Variants in RBBP8 observed in about 807,000 individuals in gnomAD.
The protein encoded by RBBP8 is RB binding protein 8, endonuclease, also known as DNA endonuclease RBBP8.
A neutral mutation model predicts 108.3 loss-of-function variants in RBBP8; 88 were observed. That is an observed-to-expected ratio of 0.81 (90% CI 0.68 to 0.97). RBBP8 has a LOEUF of 0.97. Ranked by LOEUF, RBBP8 falls within the 50% of genes least tolerant of loss-of-function variation. The pLI is 0.00. For missense variants in RBBP8, 1,023 were observed against 1,049.0 expected (o/e 0.98, Z 0.34); for synonymous variants, 332 against 348.2 (o/e 0.95, Z 0.52).
intron 4 of RBBP8, among the ~76,000 whole-genome samples, chr18:22,962,702 C>T (rs1324769914): frequency 7.1e-6 from 1 of 140,212 alleles, no homozygotes; most frequent in African/African-American, 2.8e-5. Flanking sequence ...CTCCTCTCCA[C>T]CCCCCCTACC....
Position 22,993,834 on chromosome 18 carries a change from A to G in RBBP8, c.1926A>G (p.Leu642=), listed in dbSNP as rs746104928. The change falls in exon 12 of 19, where the codon CTA becomes CTG. Residue 642 remains leucine, a synonymous_variant. Transcript: ENST00000327155. ...NPCRTGKIKS[L]QNNQDVSFEN... is the part of the protein sequence containing the mutation. ...GTAGAACTGGTAAAATAAAGTCTCT[A>G]CAAAACAACCAAGGTGTGTACACCA... 5 of 1,613,426 alleles carry G rather than the reference A, an allele frequency of 3.1e-6. No homozygotes were observed. The highest frequency in any genetic ancestry group is 4.5e-5 in the East Asian group (2 of 44,844).
intron 18 of RBBP8, among the ~76,000 whole-genome samples, chr18:23,025,886 A>G (rs1324306491): frequency 1.3e-5 from 2 of 152,240 alleles, no homozygotes; most frequent in Non-Finnish European, 1.5e-5. Context: ...TCAAACAGGT[A>G]TAGTAGAAAC....
intron 2 of RBBP8, among the ~76,000 whole-genome samples, chr18:22,945,574 G>C (rs189359774): frequency 6.6e-6 from 1 of 151,870 alleles, no homozygotes; most frequent in Non-Finnish European, 1.5e-5. Context: ...TTAGAGACGG[G>C]GTTTCTCCAC....
intron 10 of RBBP8, among the ~76,000 whole-genome samples, chr18:22,991,823 T>G (rs541863081): frequency 6.6e-6 from 1 of 152,342 alleles, no homozygotes; most frequent in Admixed American, 6.5e-5. Flanking sequence ...TATAGCATTT[T>G]GCTTTTTAAA....
intron 16 of RBBP8, among the ~76,000 whole-genome samples, chr18:23,010,989 G>T (rs1200315713): frequency 6.6e-6 from 1 of 152,172 alleles, no homozygotes; most frequent in Non-Finnish European, 1.5e-5. Context: ...ATAATCTTAG[G>T]AGTCCATAAA....
chr18:22,949,288 A>G (rs113926002), intron 3 of RBBP8, among the ~76,000 whole-genome samples: 1,993 of 152,350 alleles, frequency 0.013, 50 homozygotes, highest in African/African-American at 0.045. Context: ...AATAGAAAGT[A>G]TGAGTTCCCC....
chr18:22,972,732 ATCT>A (rs770362590), intron 5 of RBBP8, among the ~76,000 whole-genome samples: 2 of 152,182 alleles, frequency 1.3e-5, no homozygotes, highest in Non-Finnish European at 2.9e-5. Flanking sequence ...AACTTTGATG[ATCT>A]TCTCCACTTA....
At chr18:23,007,735 TAGGTTTATTATGCTTC>T (rs2046081536) in intron 16 of RBBP8, among the ~76,000 whole-genome samples, 2 of 151,054 alleles carry the variant, frequency 1.3e-5, no homozygotes, top group South Asian at 4.2e-4. Context: ...TAGTAAGACT[TAGGTTTATTATGCTTC>T]AGAATTATTT....
intron 4 of RBBP8, among the ~76,000 whole-genome samples, chr18:22,951,892 T>C (rs1912078692): frequency 6.6e-6 from 1 of 152,178 alleles, no homozygotes; most frequent in Non-Finnish European, 1.5e-5. Context: ...TCTAGAAGGA[T>C]CCTAAACACA....
intron 12 of RBBP8, among the ~76,000 whole-genome samples, chr18:22,994,366 G>C (rs1321313037): frequency 1.3e-5 from 2 of 148,844 alleles, no homozygotes; most frequent in East Asian, 4.1e-4. Flanking sequence ...TTGTTGGCCC[G>C]GTACGGTGGC....
chr18:23,019,800 T>G lies in RBBP8; in HGVS notation c.2455-2329T>G, dbSNP rs148259206. ...TTTTTGAGTTGGAGTCTCACTCTGT[T>G]GCCCAGGCTGAAGCACAGTGGCGCG... On this transcript the variant is annotated intron_variant, in intron 17 of 18. Coordinates refer to ENST00000327155, the MANE Select transcript of RBBP8 (RefSeq NM_002894.3). Among the ~76,000 whole-genome samples, 23 of 150,954 alleles carry G rather than the reference T, an allele frequency of 1.5e-4. No individual in the cohort carries two copies. In the East Asian group the frequency reaches 3.9e-3, roughly 26 times the overall value.
rs368600707 is a variant in RBBP8, at chr18:23,012,207, C to CAAGA, written c.2358-4621_2358-4620insAAGA. Among the ~76,000 whole-genome samples the CAAGA allele has an allele frequency of 6.9e-4, 56 of 81,176 alleles. 1 individual carries two copies. The highest frequency in any genetic ancestry group is 2.4e-3 in the African/African-American group (51 of 21,396). 53.3% of individuals were successfully genotyped at this position (81,176 alleles called of 152,430 possible). Reference sequence around the variant, plus strand: ...TGGGAGACAAAGTGAGATGCTGTCTCCAAAAAAAAAAAAAAAAAAAAAAAC... The same window carrying CAAGA: ...TGGGAGACAAAGTGAGATGCTGTCTCAAGACAAAAAAAAAAAAAAAAAAAAAAAC... On this transcript the variant is annotated intron_variant, in intron 16 of 18. Coordinates refer to ENST00000327155, the MANE Select transcript of RBBP8 (RefSeq NM_002894.3).
At chr18:22,987,604 C>A (rs1444642252) in intron 8 of RBBP8, among the ~76,000 whole-genome samples, 1 of 152,142 alleles carries the variant, frequency 6.6e-6, no homozygotes, top group Non-Finnish European at 1.5e-5. Context: ...CAGGCACACA[C>A]CACCATGTCT....
At chr18:22,937,503 T>A (rs1296740482) in intron 2 of RBBP8, among the ~76,000 whole-genome samples, 4 of 152,080 alleles carry the variant, frequency 2.6e-5, no homozygotes, top group Admixed American at 1.3e-4. Context: ...TTTTTTTATT[T>A]TTTTTGAGAC....
At chr18:23,016,476 G>A (rs530178206) in intron 16 of RBBP8, among the ~76,000 whole-genome samples, 2 of 152,092 alleles carry the variant, frequency 1.3e-5, no homozygotes, top group African/African-American at 4.8e-5. Flanking sequence ...CCTGGGAGGT[G>A]GAGGTTGCAG....
intron 4 of RBBP8, among the ~76,000 whole-genome samples, chr18:22,958,166 A>G (rs943869511): frequency 6.6e-6 from 1 of 152,148 alleles, no homozygotes; most frequent in Non-Finnish European, 1.5e-5. Context: ...CTTCTTTTCT[A>G]TTACCAGATT....
chr18:22,924,854 CA>C (rs1909730418), intron 3 of RBBP8, among the ~76,000 whole-genome samples: 1 of 151,966 alleles, frequency 6.6e-6, no homozygotes. Context: ...ATGATCACCT[CA>C]CATAAGAGGT....
chr18:23,026,002 A>G (rs1217472921), intron 18 of RBBP8, 141 bp from the exon 19 acceptor site: 10 of 713,712 alleles, frequency 1.4e-5, no homozygotes, highest in South Asian at 3.2e-5. Context: ...AGTGAGATCA[A>G]TCATCAGCAT....
intron 4 of RBBP8, among the ~76,000 whole-genome samples, chr18:22,951,945 G>C (rs990279724): frequency 1.3e-5 from 2 of 152,206 alleles, no homozygotes; most frequent in Non-Finnish European, 2.9e-5. Flanking sequence ...TCTTAACTGA[G>C]ACTTGATTGA....
Sources: gnomAD v4.1 joint callset for allele counts (sites outside exome capture counted in the v4.1 genomes callset) on GRCh38, gnomAD v4.1.1 for gene constraint, MANE v1.5 for transcripts, NCBI Gene and HGNC (gene_info 2026-07-23, HGNC 2026-07-21) for gene names.